The following PSD3 variants were observed in gnomAD, a reference collection of about 807,000 sequenced individuals.
PSD3 encodes PH and SEC7 domain-containing protein 3.
PSD3 carries 49 observed loss-of-function variants against 105.5 expected under a neutral mutation model. The observed-to-expected ratio is 0.46, with a 90% CI of 0.37 to 0.59. PSD3 has a LOEUF of 0.59. Among genes scored for constraint, PSD3 ranks in the 20% least tolerant of loss-of-function variants. PSD3 has a pLI of 0.00. For synonymous variants in PSD3, 557 were observed against 457.8 expected (o/e 1.22, Z -2.77); for missense variants, 1,561 against 1,263.8 (o/e 1.24, Z -3.57).
intron 11 of PSD3, among the ~76,000 whole-genome samples, chr8:18,601,994 C>CA (rs1328391400): frequency 6.6e-6 from 1 of 152,172 alleles, no homozygotes; most frequent in African/African-American, 2.4e-5. Flanking sequence ...CAGCCCCTAA[C>CA]AAGTCACTCT....
At chr8:18,818,716 A>G (rs1812435182) in intron 4 of PSD3, among the ~76,000 whole-genome samples, 1 of 152,178 alleles carries the variant, frequency 6.6e-6, no homozygotes, top group Non-Finnish European at 1.5e-5. Flanking sequence ...AAAGGAAAGA[A>G]AGAATGAAGA....
rs73590657 is a variant in PSD3, at chr8:18,977,513, T to A, written c.21+36050A>T. Among the ~76,000 whole-genome samples the A allele has an allele frequency of 7.9e-3, 1,206 of 152,268 alleles. 14 individuals carry two copies. The highest frequency in any genetic ancestry group is 0.028 in the African/African-American group (1,156 of 41,560). ...TTACTAATCATTTTAACATGTCACA[T>A]GGACTGAGAGATAATGGGCCTTTTT... is the stretch of plus-strand genomic sequence containing the variant. On this transcript the variant is annotated intron_variant, in intron 1 of 15. Coordinates refer to ENST00000327040, the MANE Select transcript of PSD3 (RefSeq NM_015310.4).
At chr8:18,627,715 T>C (rs1806594998) in intron 11 of PSD3, among the ~76,000 whole-genome samples, 2 of 151,916 alleles carry the variant, frequency 1.3e-5, no homozygotes, top group South Asian at 4.2e-4. Flanking sequence ...AATCCAGTGT[T>C]TTTTTTAGAT....
chr8:18,745,699 C>G (rs966191367), intron 9 of PSD3, among the ~76,000 whole-genome samples: 1 of 152,192 alleles, frequency 6.6e-6, no homozygotes, highest in African/African-American at 2.4e-5. Context: ...TAGATCCGCT[C>G]GGCAGGCAGA....
At chr8:18,655,726 C>A in intron 9 of PSD3, 41 bp from the exon 10 acceptor site, 1 of 1,580,296 alleles carries the variant, frequency 6.3e-7, no homozygotes, top group South Asian at 1.1e-5. Flanking sequence ...TCTTTCCATT[C>A]TGTTCCACAT....
At chr8:18,653,220 T>G (rs970309217) in intron 10 of PSD3, among the ~76,000 whole-genome samples, 3 of 152,204 alleles carry the variant, frequency 2.0e-5, no homozygotes, top group Non-Finnish European at 2.9e-5. Flanking sequence ...GAAAAAATAC[T>G]TGTGATCATT....
chr8:19,012,896 C>T (rs1017926069), intron 1 of PSD3, among the ~76,000 whole-genome samples: 3 of 152,084 alleles, frequency 2.0e-5, no homozygotes, highest in Admixed American at 2.0e-4. Flanking sequence ...CCATCCTCTG[C>T]CTAGTGGGCG....
intron 1 of PSD3, among the ~76,000 whole-genome samples, chr8:19,038,444 C>T (rs1305341635): frequency 6.6e-6 from 1 of 152,108 alleles, no homozygotes; most frequent in Admixed American, 6.6e-5. Flanking sequence ...CTAGACCCCA[C>T]ATTTATTTAT....
At chr8:18,670,218 G>A (rs1443223228) in intron 9 of PSD3, among the ~76,000 whole-genome samples, 1 of 152,146 alleles carries the variant, frequency 6.6e-6, no homozygotes, top group Non-Finnish European at 1.5e-5. Context: ...AGCAGCTCCT[G>A]GGCACCACTG....
Position 18,999,893 on chromosome 8 carries a change from G to A in PSD3, c.21+13670C>T, listed in dbSNP as rs571468037. ...TCACAGATACATTTGTTTTAGTAAC[G>A]CTTCTAAAATTTCGGCTTTAATTCC... On this transcript the variant is annotated intron_variant, in intron 1 of 15. Coordinates refer to ENST00000327040, the MANE Select transcript of PSD3 (RefSeq NM_015310.4). 37 of 151,302 alleles carry A rather than the reference G, an allele frequency of 2.4e-4. No homozygotes were observed. The South Asian group carries it at 5.1e-3, about 21-fold the overall frequency. The allele number at this position is 151,302 out of a possible 1,614,324, so 9.4% of individuals were successfully genotyped here.
At chr8:18,826,981 A>C (rs1305832374) in intron 4 of PSD3, among the ~76,000 whole-genome samples, 1 of 152,212 alleles carries the variant, frequency 6.6e-6, no homozygotes, top group African/African-American at 2.4e-5. Flanking sequence ...TACCAAAGTG[A>C]TATGAATGGT....
intron 6 of PSD3, among the ~76,000 whole-genome samples, chr8:18,803,532 C>A (rs1414269539): frequency 6.6e-6 from 1 of 151,786 alleles, no homozygotes; most frequent in East Asian, 1.9e-4. Flanking sequence ...ATAGCAAAAG[C>A]ATGGAAGCAA....
intron 1 of PSD3, among the ~76,000 whole-genome samples, chr8:18,938,176 A>C (rs1206451174): frequency 1.3e-5 from 2 of 152,254 alleles, no homozygotes; most frequent in Non-Finnish European, 2.9e-5. Flanking sequence ...GTTATATGGA[A>C]AATGAATTGG....
At chr8:18,787,222 T>C (rs1809253273) in intron 8 of PSD3, among the ~76,000 whole-genome samples, 3 of 152,320 alleles carry the variant, frequency 2.0e-5, no homozygotes, top group Admixed American at 6.5e-5. Context: ...GTAGTTCTGC[T>C]CTGAAACAAA....
chr8:18,621,005 A>G (rs1806073365), intron 11 of PSD3, among the ~76,000 whole-genome samples: 1 of 152,238 alleles, frequency 6.6e-6, no homozygotes, highest in South Asian at 2.1e-4. Flanking sequence ...AATCACATGC[A>G]CAGTGAAAAC....
chr8:18,774,451 C>T (rs1807840886), intron 8 of PSD3: 1 of 204,538 alleles, frequency 4.9e-6, no homozygotes, highest in South Asian at 9.2e-5. Flanking sequence ...TACTGCAGTA[C>T]TGAACAATAC....
chr8:18,881,063 T>C (rs1818070237), intron 2 of PSD3, among the ~76,000 whole-genome samples: 1 of 152,242 alleles, frequency 6.6e-6, no homozygotes, highest in African/African-American at 2.4e-5. Flanking sequence ...AGTCATACTT[T>C]TCTATCAGAG....
intron 1 of PSD3, among the ~76,000 whole-genome samples, chr8:18,986,494 T>G (rs951303000): frequency 2.0e-5 from 3 of 151,986 alleles, no homozygotes; most frequent in Admixed American, 2.0e-4. Flanking sequence ...CTCTCTGGCT[T>G]TTTCTGCTTC....
rs181706149 is a variant in PSD3 at position 18,689,396 on chromosome 8, G to C, written c.2173-33711C>G. ...AGGCAGACACTTCCCTCTTTGCTAA[G>C]AAAATCTCACAGAACCATTAGTAGA... On this transcript the variant is annotated intron_variant, in intron 9 of 15. Coordinates refer to ENST00000327040, the MANE Select transcript of PSD3 (RefSeq NM_015310.4). Among the ~76,000 whole-genome samples, 269 of 152,254 alleles carry C rather than the reference G, an allele frequency of 1.8e-3. 1 individual carries two copies. The highest frequency in any genetic ancestry group is 2.5e-3 in the Non-Finnish European group (167 of 68,010).
Sources: gnomAD v4.1 joint callset for allele counts (sites outside exome capture counted in the v4.1 genomes callset) on GRCh38, gnomAD v4.1.1 for gene constraint, MANE v1.5 for transcripts, NCBI Gene and HGNC (gene_info 2026-07-23, HGNC 2026-07-21) for gene names.